Variants in ANKRD26 observed in about 807,000 individuals in gnomAD.
ANKRD26 encodes ankyrin repeat domain-containing protein 26.
Under a neutral mutation model 208.7 loss-of-function variants are expected in ANKRD26, and 141 were observed. The observed-to-expected ratio is 0.68, with a 90% CI of 0.59 to 0.78. The LOEUF is 0.78. ANKRD26 is among the 30% of genes least tolerant of loss of function. ANKRD26 has a pLI of 0.00. For missense variants in ANKRD26, 1,889 were observed against 1,938.7 expected, an observed-to-expected ratio of 0.97 and a Z score of 0.48; for synonymous variants, 636 against 660.4, an observed-to-expected ratio of 0.96 and a Z score of 0.57.
chr10:27,096,561 T>C (rs12767796), intron 1 of ANKRD26, among the ~76,000 whole-genome samples: 19,541 of 151,686 alleles, frequency 0.13, 1,400 homozygotes, highest in East Asian at 0.29. Context: ...GTCAGGAGTT[T>C]GAGACCAACT....
chr10:26,968,778 TG>T, the ANKRD26 span, among the ~76,000 whole-genome samples: 1 of 152,226 alleles, frequency 6.6e-6, no homozygotes, highest in Non-Finnish European at 1.5e-5. Context: ...ATTTAGCTAG[TG>T]GCATTCCACC....
chr10:26,996,283 C>T (rs968823975), intron 4 of ANKRD26, among the ~76,000 whole-genome samples: 8 of 152,114 alleles, frequency 5.3e-5, no homozygotes, highest in African/African-American at 1.2e-4. Flanking sequence ...AAAAAAAGGC[C>T]GGGCACAGTG....
chr10:27,039,873 C>T lies in ANKRD26; in HGVS notation c.2375+92G>A, dbSNP rs74128548. On this transcript the variant is annotated intron_variant, in intron 21 of 33. Coordinates refer to ENST00000376087, the MANE Select transcript of ANKRD26 (RefSeq NM_014915.3). ...CAAGACTAAGAAGTTTTCTTCCCTG[C>T]TAAGCCCCAGAAGATAAGTCAGCAA... 703 of 1,242,152 alleles carry T rather than the reference C, an allele frequency of 5.7e-4. 4 individuals carry two copies. In the African/African-American group the frequency reaches 8.5e-3, roughly 15 times the overall value. 76.9% of individuals were successfully genotyped at this position (1,242,152 alleles called of 1,614,324 possible).
chr10:27,082,766 C>A, intron 6 of ANKRD26, 37 bp downstream of exon 6: 1 of 1,552,448 alleles, frequency 6.4e-7, no homozygotes, highest in South Asian at 1.2e-5. Flanking sequence ...TCTCTGTATT[C>A]CTTTAAATAT....
At chr10:27,071,267 G>A (rs368381270) in intron 9 of ANKRD26, among the ~76,000 whole-genome samples, 4 of 140,856 alleles carry the variant, frequency 2.8e-5, no homozygotes, top group Non-Finnish European at 6.0e-5. Flanking sequence ...CCAGGTTCAC[G>A]CCATTCTCCT....
chr10:27,082,347 T>C (rs1430482865), intron 6 of ANKRD26, among the ~76,000 whole-genome samples: 1 of 152,202 alleles, frequency 6.6e-6, no homozygotes, highest in Non-Finnish European at 1.5e-5. Context: ...GCCTAAAACC[T>C]TTGATGATAA....
chr10:26,992,188 T>C (rs7094511), intron 5 of ANKRD26, among the ~76,000 whole-genome samples: 131,145 of 152,146 alleles, frequency 0.86, 56,904 homozygotes, highest in East Asian at 1. Flanking sequence ...TTGCCTGATC[T>C]AATTCTTCGC....
chr10:27,016,451 A>G (rs1168553795), intron 30 of ANKRD26, among the ~76,000 whole-genome samples: 8 of 151,750 alleles, frequency 5.3e-5, no homozygotes, highest in Non-Finnish European at 1.2e-4. Flanking sequence ...TATTTTTTTA[A>G]ATTTTTTAGT....
intron 5 of ANKRD26, among the ~76,000 whole-genome samples, chr10:26,976,537 T>A (rs2052229814): frequency 6.6e-6 from 1 of 152,152 alleles, no homozygotes; most frequent in African/African-American, 2.4e-5. Flanking sequence ...TTTCCAAGGA[T>A]GTTTGCACAG....
intron 29 of ANKRD26, among the ~76,000 whole-genome samples, chr10:27,022,241 A>G (rs2053514239): frequency 1.3e-5 from 2 of 152,142 alleles, no homozygotes; most frequent in Non-Finnish European, 2.9e-5. Context: ...ACGGAGGGGA[A>G]CAACAGACAA....
downstream of ANKRD26, among the ~76,000 whole-genome samples, chr10:26,999,745 C>T (rs1257297303): frequency 6.9e-6 from 1 of 144,384 alleles, no homozygotes; most frequent in Non-Finnish European, 1.5e-5. Context: ...GAAAATTCCA[C>T]ACTCATAGGC....
At chr10:26,947,671 G>T in the ANKRD26 span, among the ~76,000 whole-genome samples, 1 of 152,078 alleles carries the variant, frequency 6.6e-6, no homozygotes, top group South Asian at 2.1e-4. Context: ...GTGAGGAAGC[G>T]GCATGAGCTG....
chr10:26,953,129 T>C, the ANKRD26 span, among the ~76,000 whole-genome samples: 1 of 152,154 alleles, frequency 6.6e-6, no homozygotes, highest in Non-Finnish European at 1.5e-5. Context: ...AAAGAGATTG[T>C]AAATATAATA....
intron 27 of ANKRD26, among the ~76,000 whole-genome samples, chr10:27,025,330 C>G (rs10829161): frequency 1.3e-5 from 2 of 151,750 alleles, no homozygotes; most frequent in Non-Finnish European, 2.9e-5. Flanking sequence ...ACCACCACAT[C>G]GGCTAATTTA....
chr10:27,069,701 TATTTGTAA>T (rs1262152899), intron 9 of ANKRD26, among the ~76,000 whole-genome samples: 9 of 152,136 alleles, frequency 5.9e-5, no homozygotes. Flanking sequence ...AGTAGATAAA[TATTTGTAA>T]AATACACTAA....
intron 11 of ANKRD26, 149 bp from the exon 12 acceptor site, chr10:27,064,230 A>T: frequency 1.5e-6 from 1 of 656,876 alleles, no homozygotes; most frequent in Non-Finnish European, 2.6e-6. Context: ...TGAAAACCAA[A>T]ACATTTCAAT....
At chr10:27,006,224 G>A (rs1287750170) in intron 33 of ANKRD26, among the ~76,000 whole-genome samples, 2 of 152,218 alleles carry the variant, frequency 1.3e-5, no homozygotes, top group Admixed American at 6.5e-5. Context: ...ACATATGCCA[G>A]ACGGAAGGAA....
intron 20 of ANKRD26, among the ~76,000 whole-genome samples, chr10:27,042,892 G>A (rs1275368181): frequency 6.7e-6 from 1 of 149,762 alleles, no homozygotes; most frequent in Non-Finnish European, 1.5e-5. Flanking sequence ...CTTGAACCCG[G>A]GAGGTGGAGG....
intron 5 of ANKRD26, among the ~76,000 whole-genome samples, chr10:26,993,177 G>A (rs1349641379): frequency 6.6e-6 from 1 of 152,182 alleles, no homozygotes; most frequent in Non-Finnish European, 1.5e-5. Flanking sequence ...TTGCTAGTTT[G>A]GCAGGGTCTG....
Sources: gnomAD v4.1 joint callset for allele counts (sites outside exome capture counted in the v4.1 genomes callset) on GRCh38, gnomAD v4.1.1 for gene constraint, MANE v1.5 for transcripts, NCBI Gene and HGNC (gene_info 2026-07-23, HGNC 2026-07-21) for gene names.